Variants in SLIT2 observed in about 807,000 individuals in gnomAD.
The protein encoded by SLIT2 is slit homolog 2 protein.
SLIT2 carries 41 observed loss-of-function variants against 185.7 expected under a neutral mutation model. The ratio of observed to expected loss-of-function variants is 0.22; its 90% CI spans 0.17 to 0.29. The LOEUF (loss-of-function observed/expected upper bound fraction) is 0.29, where lower values mean the gene tolerates loss of function less well. Among genes scored for constraint, SLIT2 ranks in the 10% least tolerant of loss-of-function variants. The pLI is 1.00. For missense variants in SLIT2, 1,571 were observed against 1,909.0 expected (o/e 0.82, Z 3.30); for synonymous variants, 693 against 680.2 (o/e 1.02, Z -0.29).
At chr4:20,615,221 C>T (rs1240103095) in intron 34 of SLIT2, 1 of 152,180 alleles carries the variant, frequency 6.6e-6, no homozygotes, top group African/African-American at 2.4e-5. Context: ...TTTTCTGTCA[C>T]CAGTCCTTTC....
intron 5 of SLIT2, among the ~76,000 whole-genome samples, chr4:20,473,498 A>G (rs953676382): frequency 2.6e-5 from 4 of 151,996 alleles, no homozygotes; most frequent in African/African-American, 9.7e-5. Flanking sequence ...ATTTATTAGC[A>G]TAAAACGATT....
chr4:20,346,776 A>T (rs991708984), intron 4 of SLIT2, among the ~76,000 whole-genome samples: 1 of 152,180 alleles, frequency 6.6e-6, no homozygotes, highest in African/African-American at 2.4e-5. Flanking sequence ...TAGGTACAAG[A>T]GTCTTAAAGC....
Position 20,619,090 on chromosome 4 carries a change from A to C in SLIT2, c.*81A>C, listed in dbSNP as rs1729904500. ...GGACTAATGAATGCTTCATAGTGGAAATATTTGAAATATATTGTAAAATAC... is the reference window on the plus strand; with the variant it reads ...GGACTAATGAATGCTTCATAGTGGACATATTTGAAATATATTGTAAAATAC... On this transcript the variant is annotated 3_prime_UTR_variant, in exon 37 of 37. Coordinates refer to ENST00000504154, the MANE Select transcript of SLIT2 (RefSeq NM_004787.4). 5.2e-6 allele frequency: 7 copies of C among 1,348,420 alleles called. No homozygotes were observed. The highest frequency in any genetic ancestry group is 1.0e-6 in the Non-Finnish European group (1 of 978,036). The allele number at this position is 1,348,420 out of a possible 1,614,324, so 83.5% of individuals were successfully genotyped here.
At chr4:20,461,028 C>A (rs2148729542) in intron 4 of SLIT2, among the ~76,000 whole-genome samples, 1 of 152,242 alleles carries the variant, frequency 6.6e-6, no homozygotes, top group Non-Finnish European at 1.5e-5. Context: ...AATATGAGTT[C>A]ATCTTACAGA....
intron 4 of SLIT2, among the ~76,000 whole-genome samples, chr4:20,286,671 G>A (rs1055892298): frequency 4.6e-5 from 7 of 152,106 alleles, no homozygotes; most frequent in African/African-American, 7.2e-5. Flanking sequence ...GCGTGGTAGC[G>A]TGTGCCTGCA....
intron 4 of SLIT2, among the ~76,000 whole-genome samples, chr4:20,308,546 A>G (rs77491619): frequency 0.011 from 1,611 of 152,272 alleles, 19 homozygotes; most frequent in African/African-American, 0.036. Context: ...TTTCAGCTAC[A>G]TGACCTTGAA....
chr4:20,276,218 C>T (rs948009382), intron 4 of SLIT2, among the ~76,000 whole-genome samples: 10 of 152,034 alleles, frequency 6.6e-5, no homozygotes, highest in African/African-American at 2.2e-4. Context: ...AACCAGAAGT[C>T]GTTTTGTTTT....
At chr4:20,612,940 T>C (rs1048391162) in intron 34 of SLIT2, among the ~76,000 whole-genome samples, 7 of 146,374 alleles carry the variant, frequency 4.8e-5, no homozygotes, top group African/African-American at 1.8e-4. Flanking sequence ...AAAAAAATTA[T>C]GTCTACAGTG....
At chr4:20,291,936 G>A (rs1461101174) in intron 4 of SLIT2, among the ~76,000 whole-genome samples, 1 of 146,918 alleles carries the variant, frequency 6.8e-6, no homozygotes, top group Admixed American at 6.8e-5. Context: ...GTGTGTGTGT[G>A]TGTGCATGTG....
chr4:20,361,458 G>A (rs1458076217), intron 4 of SLIT2, among the ~76,000 whole-genome samples: 1 of 152,074 alleles, frequency 6.6e-6, no homozygotes, highest in Non-Finnish European at 1.5e-5. Flanking sequence ...TCTTTAGATT[G>A]TACACATCAC....
At chr4:20,473,746 A>G (rs1401787463) in intron 5 of SLIT2, among the ~76,000 whole-genome samples, 1 of 151,982 alleles carries the variant, frequency 6.6e-6, no homozygotes, top group Non-Finnish European at 1.5e-5. Context: ...TTTCACTGTC[A>G]TCTACATAAT....
At chr4:20,441,852 T>C (rs1729778014) in intron 4 of SLIT2, among the ~76,000 whole-genome samples, 1 of 152,186 alleles carries the variant, frequency 6.6e-6, no homozygotes, top group Admixed American at 6.5e-5. Flanking sequence ...ATGAGGTCTA[T>C]AAAGTATTTT....
chr4:20,617,299 G>T, intron 35 of SLIT2, 101 bp downstream of exon 35: 4 of 1,239,554 alleles, frequency 3.2e-6, no homozygotes, highest in Non-Finnish European at 4.6e-6. Context: ...GGAAGGGAGG[G>T]GAGGGGAGGG....
At chr4:20,432,908 C>T (rs982517578) in intron 4 of SLIT2, among the ~76,000 whole-genome samples, 5 of 152,110 alleles carry the variant, frequency 3.3e-5, no homozygotes, top group Admixed American at 3.3e-4. Context: ...GTAGAATATG[C>T]TTAAGAAGAA....
chr4:20,589,578 C>T, intron 29 of SLIT2, 66 bp from the exon 30 acceptor site: 1 of 1,194,066 alleles, frequency 8.4e-7, no homozygotes, highest in Non-Finnish European at 1.2e-6. Context: ...ATGACAATGA[C>T]ACAGTCTGCT....
At chr4:20,588,645 C>G (rs1253741218) in intron 29 of SLIT2, among the ~76,000 whole-genome samples, 6 of 152,096 alleles carry the variant, frequency 3.9e-5, no homozygotes, top group Admixed American at 1.3e-4. Context: ...GAATACCTTT[C>G]CAGTCACCTT....
intron 4 of SLIT2, among the ~76,000 whole-genome samples, chr4:20,420,126 G>A (rs1473489990): frequency 6.6e-6 from 1 of 152,048 alleles, no homozygotes; most frequent in African/African-American, 2.4e-5. Flanking sequence ...ATAGTTCATT[G>A]CACTGTCTTC....
Position 20,595,711 on chromosome 4 carries a change from C to G in SLIT2, c.3197C>G (p.Pro1066Arg), listed in dbSNP as rs768950790. Residue 1066 changes from proline (P) to arginine (R), a missense_variant, in exon 31 of 37, where the codon CCA becomes CGA. By Grantham distance (103) the Pro-to-Arg change is moderately radical. Around this residue, in one of 3 missense-constraint regions of SLIT2, gnomAD observed 1,202 missense variants for 1,416.4 expected, o/e 0.85. Transcript: ENST00000504154. Reference sequence around the variant, plus strand: ...TGTTCCAACAGATGTGACTGCACACCAGGGTACGTAGGTGAACACTGCGAC... The same window carrying G: ...TGTTCCAACAGATGTGACTGCACACGAGGGTACGTAGGTGAACACTGCGAC... Reference protein sequence around the residue: ...TPKGFKCDCTPGYVGEHCDID... With the variant: ...TPKGFKCDCTRGYVGEHCDID... 7.4e-6 allele frequency: 12 copies of G among 1,613,916 alleles called. No homozygotes were observed. Among genetic ancestry groups the G allele is most frequent in the Admixed American group, 1.7e-5 (1 of 59,988 alleles).
intron 4 of SLIT2, among the ~76,000 whole-genome samples, chr4:20,293,628 C>T (rs1272940445): frequency 2.0e-5 from 3 of 152,166 alleles, no homozygotes; most frequent in Admixed American, 6.5e-5. Flanking sequence ...TAGCTTTCTT[C>T]CTGAAACCAT....
Sources: gnomAD v4.1 joint callset for allele counts (sites outside exome capture counted in the v4.1 genomes callset) on GRCh38, gnomAD v4.1.1 for gene constraint, gnomAD v4.1.1 regional missense constraint, MANE v1.5 for transcripts, NCBI Gene and HGNC (gene_info 2026-07-23, HGNC 2026-07-21) for gene names.